Variants in NKAIN2 observed in about 807,000 individuals in gnomAD.
NKAIN2 encodes the protein sodium/potassium transporting ATPase interacting 2, also known as sodium/potassium-transporting ATPase subunit beta-1-interacting protein 2.
A neutral mutation model predicts 32.6 loss-of-function variants in NKAIN2; 14 were observed. The ratio of observed to expected loss-of-function variants is 0.43; its 90% CI spans 0.28 to 0.67. The LOEUF (loss-of-function observed/expected upper bound fraction) is 0.67, where lower values mean the gene tolerates loss of function less well. NKAIN2 is among the 30% of genes least tolerant of loss of function. The pLI, the probability that NKAIN2 is intolerant of heterozygous loss-of-function variation, is 0.17. For missense variants in NKAIN2, 198 were observed against 258.3 expected, an observed-to-expected ratio of 0.77 and a Z score of 1.60; for synonymous variants, 80 against 87.2, an observed-to-expected ratio of 0.92 and a Z score of 0.46.
chr6:124,799,468 T>TAC (rs1231646524), intron 5 of NKAIN2, among the ~76,000 whole-genome samples: 3 of 151,982 alleles, frequency 2.0e-5, no homozygotes, highest in East Asian at 3.9e-4. Context: ...CTCATACACA[T>TAC]ACACACACAC....
chr6:124,029,220 G>T (rs1781296435), intron 1 of NKAIN2, among the ~76,000 whole-genome samples: 2 of 151,828 alleles, frequency 1.3e-5, no homozygotes, highest in Admixed American at 1.3e-4. Flanking sequence ...TCTGTCTATT[G>T]TGACGGAAAG....
chr6:124,521,801 A>G (rs1416472393), intron 3 of NKAIN2, among the ~76,000 whole-genome samples: 1 of 152,130 alleles, frequency 6.6e-6, no homozygotes, highest in Non-Finnish European at 1.5e-5. Flanking sequence ...TTATGGACAC[A>G]GTATATCTGT....
At chr6:123,815,396 A>AT (rs1773650574) in intron 1 of NKAIN2, among the ~76,000 whole-genome samples, 6 of 152,204 alleles carry the variant, frequency 3.9e-5, no homozygotes, top group Non-Finnish European at 7.4e-5. Context: ...AATTCATATT[A>AT]TCTAGCATTT....
At chr6:124,756,908 T>G (rs1376414991) in intron 4 of NKAIN2, among the ~76,000 whole-genome samples, 2 of 152,176 alleles carry the variant, frequency 1.3e-5, no homozygotes, top group African/African-American at 4.8e-5. Context: ...CATTTGCTTT[T>G]ATTTTAGTAT....
At chr6:124,289,853 C>T (rs1043296435) in intron 2 of NKAIN2, among the ~76,000 whole-genome samples, 3 of 151,946 alleles carry the variant, frequency 2.0e-5, no homozygotes, top group Non-Finnish European at 2.9e-5. Context: ...TTCAATTTTT[C>T]TAGGAGAAAA....
Position 124,596,077 on chromosome 6 carries a change from A to G in NKAIN2, c.274-62109A>G, listed in dbSNP as rs181153486. Among the ~76,000 whole-genome samples the G allele has an allele frequency of 4.7e-3, 719 of 152,304 alleles. 4 individuals are homozygous for G. Among genetic ancestry groups the G allele is most frequent in the African/African-American group, 0.016 (683 of 41,570 alleles). ...AGAAAAAAAAGTAAATTGGAACCCC[A>G]ACAGAATTATTAAGAATGTTCAGGT... On this transcript the variant is annotated intron_variant, in intron 3 of 6. Coordinates refer to ENST00000368417, the MANE Select transcript of NKAIN2 (RefSeq NM_001040214.3).
intron 3 of NKAIN2, among the ~76,000 whole-genome samples, chr6:124,360,660 C>CA (rs898763431): frequency 6.6e-6 from 1 of 151,680 alleles, no homozygotes; most frequent in African/African-American, 2.4e-5. Context: ...GTTAAATTAA[C>CA]AAAATGATGG....
chr6:124,723,376 G>T (rs1362800603), intron 4 of NKAIN2, among the ~76,000 whole-genome samples: 4 of 152,202 alleles, frequency 2.6e-5, no homozygotes, highest in Non-Finnish European at 1.5e-5. Flanking sequence ...AATGGGAGGG[G>T]TGAGTATCAC....
At chr6:124,243,353 A>T (rs1246581322) in intron 1 of NKAIN2, among the ~76,000 whole-genome samples, 3 of 151,854 alleles carry the variant, frequency 2.0e-5, no homozygotes, top group Non-Finnish European at 4.4e-5. Flanking sequence ...AAGTTAGCTG[A>T]GCATAGTAGC....
At chr6:124,800,579 G>A (rs898020670) in intron 5 of NKAIN2, among the ~76,000 whole-genome samples, 11 of 152,170 alleles carry the variant, frequency 7.2e-5, no homozygotes, top group Admixed American at 2.0e-4. Flanking sequence ...ATCAGTGATG[G>A]CATTTTATAA....
chr6:124,236,394 A>G (rs1267597002), intron 1 of NKAIN2, among the ~76,000 whole-genome samples: 2 of 152,262 alleles, frequency 1.3e-5, no homozygotes, highest in South Asian at 4.1e-4. Context: ...TGAGGAAGGC[A>G]TTGTAATATT....
chr6:124,824,596 G>A lies in NKAIN2; in HGVS notation c.*1367G>A, dbSNP rs1379430121. 6.6e-6 allele frequency: 1 copy of A among 152,048 alleles called. No homozygotes were observed. The highest frequency in any genetic ancestry group is 2.4e-5 in the African/African-American group (1 of 41,382). 9.4% of individuals were successfully genotyped at this position (152,048 alleles called of 1,614,324 possible). ...GTTCTATATTTTAAAGCATTATTTG[G>A]TTTTCATTAGTGGAAAACATAATTA... On this transcript the variant is annotated 3_prime_UTR_variant, in exon 7 of 7. Transcript: ENST00000368417.
chr6:123,850,353 A>T (rs35272656), intron 1 of NKAIN2, among the ~76,000 whole-genome samples: 40,183 of 100,134 alleles, frequency 0.4, 7,192 homozygotes, highest in Admixed American at 0.52. Flanking sequence ...AAAAAAAAAA[A>T]AAATATATAT....
At chr6:124,664,136 A>G (rs1454613315) in intron 4 of NKAIN2, among the ~76,000 whole-genome samples, 1 of 151,864 alleles carries the variant, frequency 6.6e-6, no homozygotes, top group African/African-American at 2.4e-5. Context: ...TTTGCTGGAC[A>G]TGGTGGCGGA....
intron 3 of NKAIN2, among the ~76,000 whole-genome samples, chr6:124,470,291 A>C (rs182111379): frequency 2.2e-3 from 333 of 152,242 alleles, no homozygotes; most frequent in African/African-American, 7.6e-3. Flanking sequence ...TGGAAGCCTC[A>C]TAAGGGATTT....
At chr6:124,079,479 G>T (rs2114902516) in intron 1 of NKAIN2, among the ~76,000 whole-genome samples, 1 of 152,036 alleles carries the variant, frequency 6.6e-6, no homozygotes, top group South Asian at 2.1e-4. Context: ...ATAAATCATG[G>T]TCTCATTTGT....
chr6:124,018,787 C>T (rs1780718777), intron 1 of NKAIN2, among the ~76,000 whole-genome samples: 1 of 152,142 alleles, frequency 6.6e-6, no homozygotes, highest in Admixed American at 6.5e-5. Flanking sequence ...CTTCTGAGCC[C>T]TCCAAACTGT....
chr6:123,900,626 AC>A (rs1562247312), intron 1 of NKAIN2, among the ~76,000 whole-genome samples: 1 of 124,382 alleles, frequency 8.0e-6, no homozygotes, highest in African/African-American at 2.9e-5. Flanking sequence ...AATCTGGTTA[AC>A]CCCCCGAGCT....
intron 3 of NKAIN2, among the ~76,000 whole-genome samples, chr6:124,415,342 T>G (rs1774414465): frequency 1.3e-5 from 2 of 152,326 alleles, no homozygotes; most frequent in South Asian, 2.1e-4. Context: ...CCACACTTAC[T>G]TTCATTCAAC....
Sources: allele counts gnomAD v4.1 joint callset (sites outside exome capture counted in the v4.1 genomes callset), GRCh38; gene constraint gnomAD v4.1.1; transcripts MANE v1.5; gene names NCBI Gene and HGNC (gene_info 2026-07-23, HGNC 2026-07-21).